The following ANKRD6 variants were observed in gnomAD, a reference collection of about 807,000 sequenced individuals.
The protein encoded by ANKRD6 is ankyrin repeat domain-containing protein 6.
ANKRD6 carries 56 observed loss-of-function variants against 82.3 expected under a neutral mutation model. The observed-to-expected ratio is 0.68, with a 90% CI of 0.55 to 0.85. ANKRD6 has a LOEUF of 0.85. Among genes scored for constraint, ANKRD6 ranks in the 40% least tolerant of loss-of-function variants. The pLI is 0.00. For missense variants in ANKRD6, 852 were observed against 907.6 expected, an observed-to-expected ratio of 0.94 and a Z score of 0.79; for synonymous variants, 347 against 352.1, an observed-to-expected ratio of 0.99 and a Z score of 0.16.
chr6:89,565,668 T>C (rs1447287929), intron 1 of ANKRD6, among the ~76,000 whole-genome samples: 1 of 152,186 alleles, frequency 6.6e-6, no homozygotes, highest in Non-Finnish European at 1.5e-5. Context: ...CCTTAATCTT[T>C]AGAGACTGAA....
At chr6:89,579,507 A>G (rs1395395499) in intron 2 of ANKRD6, among the ~76,000 whole-genome samples, 4 of 152,192 alleles carry the variant, frequency 2.6e-5, no homozygotes, top group Admixed American at 6.5e-5. Context: ...GCAGTGGCTC[A>G]TGCCTGTAAT....
intron 1 of ANKRD6, among the ~76,000 whole-genome samples, chr6:89,451,055 C>A (rs932973425): frequency 6.6e-6 from 1 of 152,150 alleles, no homozygotes; most frequent in Non-Finnish European, 1.5e-5. Flanking sequence ...CGCCTGTAAT[C>A]CTAGCACTTT....
chr6:89,552,357 C>A (rs1436051105), intron 1 of ANKRD6, among the ~76,000 whole-genome samples: 1 of 152,154 alleles, frequency 6.6e-6, no homozygotes, highest in African/African-American at 2.4e-5. Context: ...TAGGAGAGGA[C>A]CCTCAGGGCC....
chr6:89,567,502 G>A (rs1460542163), intron 2 of ANKRD6, among the ~76,000 whole-genome samples: 11 of 152,102 alleles, frequency 7.2e-5, no homozygotes, highest in East Asian at 1.9e-4. Flanking sequence ...TATGATGACG[G>A]CCTGGACCAG....
intron 13 of ANKRD6, among the ~76,000 whole-genome samples, chr6:89,626,172 T>G (rs990402373): frequency 1.3e-5 from 2 of 152,232 alleles, no homozygotes; most frequent in Non-Finnish European, 2.9e-5. Context: ...ATTTTAAAAA[T>G]ATTTTCTTAG....
intron 1 of ANKRD6, among the ~76,000 whole-genome samples, chr6:89,538,576 T>C (rs1784123967): frequency 6.6e-6 from 1 of 152,208 alleles, no homozygotes; most frequent in South Asian, 2.1e-4. Flanking sequence ...TTCAGCAGAA[T>C]TAAACAGGCT....
At chr6:89,586,982 A>T (rs1163828568) in intron 2 of ANKRD6, among the ~76,000 whole-genome samples, 4 of 152,008 alleles carry the variant, frequency 2.6e-5, no homozygotes, top group Non-Finnish European at 4.4e-5. Context: ...TAAGGTCAGG[A>T]GTTCAAAACC....
At position 89,482,411 on chromosome 6, in the gene ANKRD6, C is replaced by T. The variant is rs146776889; in HGVS notation, c.-144+49036C>T. 4.6e-4 allele frequency among the ~76,000 whole-genome samples: 70 copies of T among 152,322 alleles called. 1 individual carries two copies. The highest frequency in any genetic ancestry group is 1.4e-3 in the African/African-American group (60 of 41,570). ...ATCCCAGTATAAATCATTCTTTCTACATTACACAGATTATGTTGCTTTTTA... is the reference window on the plus strand; with the variant it reads ...ATCCCAGTATAAATCATTCTTTCTATATTACACAGATTATGTTGCTTTTTA... On this transcript the variant is annotated intron_variant, in intron 1 of 15. Transcript: ENST00000339746.
chr6:89,450,439 G>C (rs886598135), intron 1 of ANKRD6, among the ~76,000 whole-genome samples: 10 of 152,196 alleles, frequency 6.6e-5, no homozygotes, highest in African/African-American at 2.4e-4. Flanking sequence ...CTTGAGACAA[G>C]GCCCTCCACT....
intron 1 of ANKRD6, among the ~76,000 whole-genome samples, chr6:89,450,078 T>G (rs1157561838): frequency 1.3e-5 from 2 of 152,156 alleles, no homozygotes; most frequent in Admixed American, 1.3e-4. Context: ...GGCTCATGCC[T>G]GTAATCTCAG....
intron 1 of ANKRD6, among the ~76,000 whole-genome samples, chr6:89,551,229 C>T (rs560213923): frequency 1.4e-4 from 22 of 152,278 alleles, no homozygotes; most frequent in East Asian, 3.9e-4. Flanking sequence ...CCCCACCTAT[C>T]GTCAGTAGCT....
intron 1 of ANKRD6, among the ~76,000 whole-genome samples, chr6:89,558,202 G>A (rs1225839244): frequency 6.6e-6 from 1 of 152,104 alleles, no homozygotes; most frequent in East Asian, 1.9e-4. Flanking sequence ...ATATTACCCA[G>A]CAATTGTACT....
At chr6:89,452,978 G>A (rs1032706254) in intron 1 of ANKRD6, among the ~76,000 whole-genome samples, 10 of 152,082 alleles carry the variant, frequency 6.6e-5, no homozygotes, top group Non-Finnish European at 1.0e-4. Flanking sequence ...ACTAGTCTGC[G>A]GCTCCCATGG....
intron 1 of ANKRD6, among the ~76,000 whole-genome samples, chr6:89,468,431 G>C (rs1775081994): frequency 6.6e-6 from 1 of 151,994 alleles, no homozygotes; most frequent in Admixed American, 6.6e-5. Context: ...GTTTTTGATG[G>C]TTGAACTTGA....
intron 1 of ANKRD6, among the ~76,000 whole-genome samples, chr6:89,542,033 A>T (rs1784505752): frequency 6.6e-6 from 1 of 152,008 alleles, no homozygotes; most frequent in Admixed American, 6.6e-5. Flanking sequence ...ATGAATAAAA[A>T]ATTGGGGCTT....
intron 2 of ANKRD6, among the ~76,000 whole-genome samples, chr6:89,571,556 T>G (rs1583366110): frequency 1.3e-5 from 2 of 152,166 alleles, no homozygotes; most frequent in Admixed American, 6.5e-5. Flanking sequence ...TATTAATCCT[T>G]TATCATATAT....
chr6:89,600,629 C>T (rs990941295), intron 3 of ANKRD6, among the ~76,000 whole-genome samples: 2 of 152,164 alleles, frequency 1.3e-5, no homozygotes, highest in Admixed American at 6.5e-5. Flanking sequence ...AGGGCACTGT[C>T]TTTCTTAGCA....
intron 1 of ANKRD6, among the ~76,000 whole-genome samples, chr6:89,504,051 G>C (rs1024008952): frequency 1.3e-5 from 2 of 149,892 alleles, no homozygotes; most frequent in African/African-American, 4.9e-5. Flanking sequence ...GTGAGGGAGA[G>C]GGTGTTTGAG....
At chr6:89,449,118 A>T (rs1181145436) in intron 1 of ANKRD6, among the ~76,000 whole-genome samples, 1 of 152,208 alleles carries the variant, frequency 6.6e-6, no homozygotes, top group Non-Finnish European at 1.5e-5. Context: ...GGGCAAAGTA[A>T]ACAGAAAATC....
Sources: gnomAD v4.1 joint callset for allele counts (sites outside exome capture counted in the v4.1 genomes callset) on GRCh38, gnomAD v4.1.1 for gene constraint, MANE v1.5 for transcripts, NCBI Gene and HGNC (gene_info 2026-07-23, HGNC 2026-07-21) for gene names.